SNX13: variants seen among roughly 807,000 people sequenced by gnomAD.
SNX13 encodes the protein sorting nexin-13.
SNX13 carries 45 observed loss-of-function variants against 133.6 expected under a neutral mutation model. That is an observed-to-expected ratio of 0.34 (90% CI 0.27 to 0.43). SNX13 has a LOEUF of 0.43. SNX13 is among the 20% of genes least tolerant of loss of function. The pLI is 1.00. For missense variants in SNX13, 1,032 were observed against 1,145.1 expected (o/e 0.90, Z 1.43); for synonymous variants, 414 against 373.9 (o/e 1.11, Z -1.24).
chr7:17,903,183 G>A (rs1488688641), intron 1 of SNX13, among the ~76,000 whole-genome samples: 1 of 152,128 alleles, frequency 6.6e-6, no homozygotes, highest in African/African-American at 2.4e-5. Flanking sequence ...ATCATCTACT[G>A]CAATACTTCT....
intron 8 of SNX13, among the ~76,000 whole-genome samples, 185 bp from the exon 9 acceptor site, chr7:17,868,675 C>T (rs1490725814): frequency 6.6e-6 from 1 of 151,998 alleles, no homozygotes; most frequent in Non-Finnish European, 1.5e-5. Flanking sequence ...AAATGAGATA[C>T]AGTTACCTGT....
intron 9 of SNX13, among the ~76,000 whole-genome samples, chr7:17,861,246 AC>A (rs1472101773): frequency 6.6e-6 from 1 of 151,858 alleles, no homozygotes; most frequent in African/African-American, 2.4e-5. Flanking sequence ...GCAGGAGAGC[AC>A]CCCTTTCACC....
chr7:17,936,752 A>C (rs1249911476), intron 1 of SNX13, among the ~76,000 whole-genome samples: 2 of 152,100 alleles, frequency 1.3e-5, no homozygotes, highest in African/African-American at 4.8e-5. Context: ...AACTCGGATT[A>C]ATTAAAACAA....
At chr7:17,897,278 T>C in intron 2 of SNX13, 56 bp downstream of exon 2, 2 of 943,248 alleles carry the variant, frequency 2.1e-6, no homozygotes, top group Non-Finnish European at 2.9e-6. Flanking sequence ...GTCATTTGTT[T>C]CCATTTTAAC....
rs1335695606 is a variant in SNX13, at chr7:17,792,973, A to T, written c.*1072T>A. ...GAAATATAAATAAAAGCATATTTTT[A>T]AAAATATTATAGTTCTTTTTTCATC... On this transcript the variant is annotated 3_prime_UTR_variant, in exon 26 of 26. Transcript: ENST00000428135. The T allele has an allele frequency of 6.6e-6, 1 of 152,304 alleles. No individual in the cohort carries two copies. Among genetic ancestry groups the T allele is most frequent in the Admixed American group, 6.6e-5 (1 of 15,218 alleles). The allele number at this position is 152,304 out of a possible 1,614,324, so 9.4% of individuals were successfully genotyped here.
chr7:17,795,934 A>G (rs1784001887), intron 25 of SNX13: 1 of 151,790 alleles, frequency 6.6e-6, no homozygotes, highest in South Asian at 2.1e-4. Context: ...AATTGACAGA[A>G]GAGAAGGCTG....
At chr7:17,906,109 A>G (rs1798369054) in intron 1 of SNX13, among the ~76,000 whole-genome samples, 1 of 152,232 alleles carries the variant, frequency 6.6e-6, no homozygotes, top group African/African-American at 2.4e-5. Context: ...TTAAAACCAT[A>G]TATAAATAAT....
At chr7:17,798,665 G>A in intron 24 of SNX13, 25 bp downstream of exon 24, 1 of 1,524,114 alleles carries the variant, frequency 6.6e-7, no homozygotes, top group Non-Finnish European at 8.9e-7. Context: ...CTACCTGAAA[G>A]AAGTGACTGT....
At chr7:17,829,124 G>T (rs546476617) in intron 16 of SNX13, among the ~76,000 whole-genome samples, 1 of 151,606 alleles carries the variant, frequency 6.6e-6, no homozygotes, top group South Asian at 2.1e-4. Context: ...ACTCAATAAG[G>T]TTATTTTAGA....
chr7:17,806,103 G>GTA, intron 20 of SNX13, among the ~76,000 whole-genome samples: 1 of 152,276 alleles, frequency 6.6e-6, no homozygotes, highest in East Asian at 1.9e-4. Flanking sequence ...CACAGATGCT[G>GTA]TATATTCATT....
At chr7:17,829,686 A>C (rs1788270007) in intron 16 of SNX13, among the ~76,000 whole-genome samples, 1 of 151,354 alleles carries the variant, frequency 6.6e-6, no homozygotes, top group South Asian at 2.1e-4. Flanking sequence ...CTATCATAGC[A>C]ATTTAGTAAT....
At chr7:17,812,292 A>T (rs769941159) in intron 20 of SNX13, among the ~76,000 whole-genome samples, 4 of 152,188 alleles carry the variant, frequency 2.6e-5, no homozygotes, top group Non-Finnish European at 4.4e-5. Flanking sequence ...AAGAACTGAA[A>T]CAAACTTACA....
At chr7:17,866,790 G>T (rs758308803) in intron 9 of SNX13, among the ~76,000 whole-genome samples, 1 of 152,190 alleles carries the variant, frequency 6.6e-6, no homozygotes, top group Non-Finnish European at 1.5e-5. Flanking sequence ...CTACCATTCA[G>T]TAGCACAACA....
chr7:17,820,657 A>AT (rs1377220068), intron 18 of SNX13, among the ~76,000 whole-genome samples: 14 of 152,100 alleles, frequency 9.2e-5, no homozygotes, highest in Middle Eastern at 3.2e-3. Context: ...CCAACTATAT[A>AT]TTTTCCACTA....
intron 8 of SNX13, among the ~76,000 whole-genome samples, chr7:17,871,142 A>T (rs1794065455): frequency 6.6e-6 from 1 of 151,646 alleles, no homozygotes; most frequent in Admixed American, 6.6e-5. Context: ...AGTAGCTGGG[A>T]TGACAGGCGC....
In SNX13 at chr7:17,850,400, G is replaced by C. The variant is rs767564041; in HGVS notation, c.1012C>G (p.Leu338Val). The change falls in exon 11 of 26, where the codon CTA becomes GTA. Residue 338 changes from leucine to valine, a missense_variant. Physicochemically the swap from Leu to Val is conservative, Grantham distance 32. Coordinates refer to ENST00000428135, the MANE Select transcript of SNX13 (RefSeq NM_015132.5). ...GAGTCACATACCTTCTTTACGAATA[G>C]TAAGCTATTTATTTGATTTTTGATA... ...NTIKNQINSLLFVKKVCDSRI... is the reference protein window; with the variant it reads ...NTIKNQINSLVFVKKVCDSRI... The C allele has an allele frequency of 6.3e-7, 1 of 1,591,944 alleles. No individual in the cohort carries two copies. The highest frequency in any genetic ancestry group is 2.3e-5 in the East Asian group (1 of 44,438).
chr7:17,889,111 C>T (rs1268449680), intron 5 of SNX13: 1 of 161,516 alleles, frequency 6.2e-6, no homozygotes, highest in Admixed American at 6.4e-5. Flanking sequence ...TGAAAGAATA[C>T]CTAACACTCA....
At chr7:17,809,374 A>G (rs1405177888) in intron 20 of SNX13, among the ~76,000 whole-genome samples, 1 of 151,946 alleles carries the variant, frequency 6.6e-6, no homozygotes, top group Non-Finnish European at 1.5e-5. Context: ...AAACCAACAA[A>G]GGGAAAAAGA....
At chr7:17,909,537 A>T (rs1798736584) in intron 1 of SNX13, among the ~76,000 whole-genome samples, 1 of 152,206 alleles carries the variant, frequency 6.6e-6, no homozygotes, top group Non-Finnish European at 1.5e-5. Flanking sequence ...GGAACAAGAG[A>T]CTAACAAGAT....
Sources: allele counts gnomAD v4.1 joint callset (sites outside exome capture counted in the v4.1 genomes callset), GRCh38; gene constraint gnomAD v4.1.1; transcripts MANE v1.5; gene names NCBI Gene and HGNC (gene_info 2026-07-23, HGNC 2026-07-21).